The following NCOA7 variants were observed in gnomAD, a reference collection of about 807,000 sequenced individuals.
NCOA7 encodes nuclear receptor coactivator 7.
Under a neutral mutation model 104.3 loss-of-function variants are expected in NCOA7, and 45 were observed. The ratio of observed to expected loss-of-function variants is 0.43; its 90% CI spans 0.34 to 0.55. NCOA7 has a LOEUF of 0.55. NCOA7 is among the 20% of genes least tolerant of loss of function. The pLI is 0.02. For missense variants in NCOA7, 1,041 were observed against 1,119.7 expected (o/e 0.93, Z 1.00); for synonymous variants, 398 against 402.3 (o/e 0.99, Z 0.13).
intron 1 of NCOA7, among the ~76,000 whole-genome samples, chr6:125,798,780 A>G (rs868743573): frequency 6.6e-6 from 1 of 152,184 alleles, no homozygotes; most frequent in Non-Finnish European, 1.5e-5. Context: ...TGGTATCCAT[A>G]TGTATTATAA....
chr6:125,807,889 A>T (rs903143813), intron 1 of NCOA7, among the ~76,000 whole-genome samples: 1 of 152,116 alleles, frequency 6.6e-6, no homozygotes, highest in African/African-American at 2.4e-5. Context: ...TGATTCAGTG[A>T]TTTCCTTTAT....
chr6:125,880,943 C>G, intron 5 of NCOA7, 147 bp from the exon 6 acceptor site: 1 of 636,176 alleles, frequency 1.6e-6, no homozygotes, highest in Non-Finnish European at 2.9e-6. Context: ...TCTAGAAAAC[C>G]GTAAGTTGCT....
At chr6:125,871,213 C>CTTCCA (rs1323329342) in intron 3 of NCOA7, among the ~76,000 whole-genome samples, 3 of 152,190 alleles carry the variant, frequency 2.0e-5, no homozygotes, top group Non-Finnish European at 4.4e-5. Flanking sequence ...TTGGAAAGGT[C>CTTCCA]AGTGTCATTG....
rs1464540397 is a variant in NCOA7, at chr6:125,847,711, A to C, written c.51-7309A>C. Among the ~76,000 whole-genome samples the C allele has an allele frequency of 2.6e-5, 4 of 152,290 alleles. No homozygotes were observed. The East Asian group carries it at 7.7e-4, about 29-fold the overall frequency. ...AAAACCATAAAAACCCTAGAAGAAA[A>C]CCTAGGCAATGCCATTCAGGACAGA... On this transcript the variant is annotated intron_variant, in intron 2 of 15. Coordinates refer to ENST00000392477, the MANE Select transcript of NCOA7 (RefSeq NM_181782.5).
chr6:125,837,280 T>A (rs970733308), intron 2 of NCOA7, among the ~76,000 whole-genome samples: 15 of 152,274 alleles, frequency 9.9e-5, no homozygotes, highest in African/African-American at 3.4e-4. Context: ...TGCTCCACCT[T>A]TAAGGCATCT....
chr6:125,811,528 A>G (rs2128566218), intron 1 of NCOA7, among the ~76,000 whole-genome samples: 1 of 152,258 alleles, frequency 6.6e-6, no homozygotes, highest in South Asian at 2.1e-4. Flanking sequence ...TGGTCAGGGA[A>G]GGCTTTGAAG....
chr6:125,863,418 T>TC (rs1480096816), intron 3 of NCOA7, among the ~76,000 whole-genome samples: 1 of 138,564 alleles, frequency 7.2e-6, no homozygotes, highest in Non-Finnish European at 1.5e-5. Flanking sequence ...ATCATAGTAG[T>TC]CTGCATAATG....
intron 2 of NCOA7, among the ~76,000 whole-genome samples, chr6:125,851,469 T>G (rs549040274): frequency 1.3e-5 from 2 of 152,242 alleles, no homozygotes; most frequent in Non-Finnish European, 2.9e-5. Context: ...ATGGTGTATA[T>G]AGACCACATT....
chr6:125,874,833 C>T, intron 3 of NCOA7, 56 bp from the exon 4 acceptor site: 1 of 1,398,434 alleles, frequency 7.2e-7, no homozygotes. Flanking sequence ...GTAGTTTTAC[C>T]CTGGCTTCAG....
intron 1 of NCOA7, among the ~76,000 whole-genome samples, chr6:125,794,949 A>G (rs1775169450): frequency 1.3e-5 from 2 of 151,238 alleles, no homozygotes; most frequent in East Asian, 1.9e-4. Flanking sequence ...CCTTCGCGTC[A>G]GTGATTCATG....
intron 3 of NCOA7, among the ~76,000 whole-genome samples, chr6:125,872,422 G>A (rs191352536): frequency 2.6e-5 from 4 of 152,280 alleles, no homozygotes; most frequent in Non-Finnish European, 5.9e-5. Context: ...TCTAGAAATA[G>A]GAAGCTACCT....
At chr6:125,891,274 TC>T (rs1784602491) in intron 10 of NCOA7, among the ~76,000 whole-genome samples, 1 of 152,172 alleles carries the variant, frequency 6.6e-6, no homozygotes, top group Admixed American at 6.5e-5. Flanking sequence ...AGAAATGTGA[TC>T]CCCTGGATAG....
At chr6:125,866,534 C>A (rs977285304) in intron 3 of NCOA7, among the ~76,000 whole-genome samples, 1 of 152,106 alleles carries the variant, frequency 6.6e-6, no homozygotes, top group Non-Finnish European at 1.5e-5. Context: ...TTATCAAATT[C>A]TTAGGGTAAC....
At chr6:125,918,902 G>A (rs540391049) in intron 11 of NCOA7, among the ~76,000 whole-genome samples, 28 of 151,346 alleles carry the variant, frequency 1.9e-4, no homozygotes, top group Non-Finnish European at 2.9e-4. Context: ...GGGATCACAC[G>A]TACCATTTTA....
At chr6:125,855,933 C>T (rs1781514634) in intron 3 of NCOA7, among the ~76,000 whole-genome samples, 2 of 152,084 alleles carry the variant, frequency 1.3e-5, no homozygotes, top group South Asian at 4.2e-4. Flanking sequence ...ACTTGAGAAT[C>T]TTAAAGGGAA....
At position 125,915,313 on chromosome 6, in the gene NCOA7, G is replaced by T; in HGVS notation, c.2097-20G>T. The T allele has an allele frequency of 6.2e-7, 1 of 1,612,724 alleles. No individual in the cohort carries two copies. The highest frequency in any genetic ancestry group is 8.5e-7 in the Non-Finnish European group (1 of 1,179,064). On this transcript the variant is annotated intron_variant, in intron 10 of 15. Transcript: ENST00000392477. ...GAAAGTGGACATGGTGTTAACATCTGTCACAAACGTGTTTTTCAGGGTGGA... is the reference window on the plus strand; with the variant it reads ...GAAAGTGGACATGGTGTTAACATCTTTCACAAACGTGTTTTTCAGGGTGGA...
At chr6:125,789,780 T>C (rs1346890020), upstream of NCOA7, among the ~76,000 whole-genome samples, 1 of 152,248 alleles carries the variant, frequency 6.6e-6, no homozygotes, top group Non-Finnish European at 1.5e-5. Flanking sequence ...GAGAGGTTAT[T>C]ACAGCTTAAG....
At chr6:125,873,763 C>A (rs1783125075) in intron 3 of NCOA7, among the ~76,000 whole-genome samples, 1 of 152,208 alleles carries the variant, frequency 6.6e-6, no homozygotes, top group Non-Finnish European at 1.5e-5. Flanking sequence ...TTTCTGTCAA[C>A]ATTGGAATTA....
chr6:125,928,942 T>C lies in NCOA7; in HGVS notation c.*171T>C, dbSNP rs986017262. On this transcript the variant is annotated 3_prime_UTR_variant, in exon 16 of 16. Transcript: ENST00000392477. ...TTGCAGAAAGATTCTGGAAGGTCCA[T>C]GTAGAGGGCAGACATTGAAGAAAGA... 6.2e-6 allele frequency: 4 copies of C among 644,806 alleles called. No homozygotes were observed. Among genetic ancestry groups the C allele is most frequent in the Non-Finnish European group, 9.8e-6 (4 of 409,054 alleles). The allele number at this position is 644,806 out of a possible 1,614,324, so 39.9% of individuals were successfully genotyped here.
Sources: allele counts gnomAD v4.1 joint callset (sites outside exome capture counted in the v4.1 genomes callset), GRCh38; gene constraint gnomAD v4.1.1; transcripts MANE v1.5; gene names NCBI Gene and HGNC (gene_info 2026-07-23, HGNC 2026-07-21).